USP20: variants seen among roughly 807,000 people sequenced by gnomAD.
USP20 encodes ubiquitin specific peptidase 20.
A neutral mutation model predicts 124.2 loss-of-function variants in USP20; 80 were observed. The ratio of observed to expected loss-of-function variants is 0.64; its 90% CI spans 0.54 to 0.78. The LOEUF is 0.78. USP20 is among the 30% of genes least tolerant of loss of function. USP20 has a pLI of 0.00. For synonymous variants in USP20, 481 were observed against 512.3 expected, an observed-to-expected ratio of 0.94 and a Z score of 0.83; for missense variants, 1,043 against 1,244.4, an observed-to-expected ratio of 0.84 and a Z score of 2.44.
intron 4 of USP20, among the ~76,000 whole-genome samples, chr9:129,856,807 G>A (rs2033240636): frequency 6.6e-6 from 1 of 152,184 alleles, no homozygotes. Context: ...CGCCTCATGG[G>A]GTTAGGGTAG....
Position 129,879,598 on chromosome 9 carries a change from C to T in USP20, c.2538C>T (p.Ser846=). 6.2e-7 allele frequency: 1 copy of T among 1,613,790 alleles called. No individual in the cohort carries two copies. The highest frequency in any genetic ancestry group is 8.5e-7 in the Non-Finnish European group (1 of 1,179,964). ...AGCCCCCCGGGCCCATTGACAACAG[C>T]AGGATTGCACAGGTCAAAGGAAGCG... ...DNEPPGPIDN[S]RIAQVKGSGH... Residue 846 remains serine (S), a synonymous_variant, in exon 24 of 26, where the codon AGC becomes AGT. Transcript: ENST00000372429. This position sits in a 1 kb window ranked among gnomAD's most constrained non-coding sequence, Gnocchi z 4.2.
Position 129,858,387 on chromosome 9 carries a change from G to C in USP20, c.199-80G>C, listed in dbSNP as rs1187371769. ...GACAGGGCCTCTTACTGAGAGGCTGGGGAGCGGAGCAGCCATTACAGGTTG... is the reference window on the plus strand; with the variant it reads ...GACAGGGCCTCTTACTGAGAGGCTGCGGAGCGGAGCAGCCATTACAGGTTG... On this transcript the variant is annotated intron_variant, in intron 5 of 25. Transcript: ENST00000372429. 5.0e-6 allele frequency: 8 copies of C among 1,590,664 alleles called. No individual in the cohort carries two copies. The African/African-American group carries it at 1.1e-4, about 21-fold the overall frequency.
In USP20 at chr9:129,880,151, T is replaced by C; in HGVS notation, c.2623T>C (p.Tyr875His). 1 of 1,613,904 alleles carries C rather than the reference T, an allele frequency of 6.2e-7. No homozygotes were observed. The highest frequency in any genetic ancestry group is 2.2e-5 in the East Asian group (1 of 44,866). Reference protein sequence around the residue: ...YGQISEETWTYLNSLYGGGPE... With the variant: ...YGQISEETWTHLNSLYGGGPE... ...GCAGATTTCGGAGGAGACCTGGACC[T>C]ACCTGAACAGCCTGTATGGAGGTGG... is the stretch of plus-strand genomic sequence containing the variant. The change falls in exon 25 of 26, where the codon TAC (tyrosine) becomes CAC (histidine). Residue 875 changes from tyrosine (Y) to histidine (H), a missense_variant. Coordinates refer to ENST00000372429, the MANE Select transcript of USP20 (RefSeq NM_001110303.4).
intron 6 of USP20, among the ~76,000 whole-genome samples, chr9:129,859,480 A>T (rs1314571352): frequency 6.0e-5 from 9 of 150,806 alleles, no homozygotes; most frequent in Non-Finnish European, 1.0e-4. Context: ...TGCCATGTTG[A>T]CTAGGCTGGT....
intron 2 of USP20, among the ~76,000 whole-genome samples, chr9:129,850,799 G>A (rs1237034224): frequency 6.6e-6 from 1 of 152,040 alleles, no homozygotes; most frequent in African/African-American, 2.4e-5. Context: ...GGGATTATAG[G>A]CTTGTGCATC....
intron 1 of USP20, among the ~76,000 whole-genome samples, chr9:129,838,348 A>C (rs576500105): frequency 6.6e-6 from 1 of 152,278 alleles, no homozygotes; most frequent in Admixed American, 6.5e-5. Flanking sequence ...GGCTAACAAC[A>C]AATATTTAAA....
In USP20 at chr9:129,879,446, G is replaced by A. The variant is rs1229039119; in HGVS notation, c.2513-127G>A. The A allele has an allele frequency of 1.9e-5, 16 of 851,682 alleles. No individual in the cohort carries two copies. The highest frequency in any genetic ancestry group is 2.9e-5 in the Non-Finnish European group (15 of 525,156). The allele number at this position is 851,682 out of a possible 1,614,324, so 52.8% of individuals were successfully genotyped here. A position where few individuals can be genotyped will look rare whatever the true frequency, so the allele number is the denominator to read the frequency against. On this transcript the variant is annotated intron_variant, in intron 23 of 25. Coordinates refer to ENST00000372429, the MANE Select transcript of USP20 (RefSeq NM_001110303.4). This position sits in a 1 kb window ranked among gnomAD's most constrained non-coding sequence, Gnocchi z 4.2. ...CAGAGGAGCATTGGGTGGCTCAGGC[G>A]CCTCATCCATTAGAGACTTCACGCT... is the stretch of plus-strand genomic sequence containing the variant.
Position 129,869,958 on chromosome 9 carries a change from G to A in USP20, c.1565+114G>A. The stretch of plus-strand genomic sequence containing the variant: ...ATTTGGGGAACCAGGGAGGTCCTGG[G>A]AGGAGCTGGGGGCCGAAGCCTGCAG... On this transcript the variant is annotated intron_variant, in intron 14 of 25. Transcript: ENST00000372429. 2.3e-6 allele frequency: 3 copies of A among 1,333,170 alleles called. No individual in the cohort carries two copies. The South Asian group carries it at 4.1e-5, about 18-fold the overall frequency. The allele number at this position is 1,333,170 out of a possible 1,614,324, so 82.6% of individuals were successfully genotyped here. A position where few individuals can be genotyped will look rare whatever the true frequency, so the allele number is the denominator to read the frequency against.
intron 10 of USP20, among the ~76,000 whole-genome samples, chr9:129,865,749 C>T (rs898781406): frequency 3.3e-5 from 5 of 152,040 alleles, no homozygotes; most frequent in African/African-American, 9.7e-5. Context: ...ACTGCACCCT[C>T]GACCTCCCGG....
intron 1 of USP20, among the ~76,000 whole-genome samples, chr9:129,846,893 T>C (rs190155449): frequency 2.0e-5 from 3 of 152,122 alleles, no homozygotes; most frequent in South Asian, 2.1e-4. Flanking sequence ...TCCCAAAGTG[T>C]TGGGATTACA....
In USP20 at chr9:129,881,283, T is replaced by G. The variant is rs2034627290; in HGVS notation, c.*833T>G. ...AGCTGATGCTAAAGAAGACAGACTTTCCCTTCCTCCCAGCAGCAGCAGTGC... is the reference window on the plus strand; with the variant it reads ...AGCTGATGCTAAAGAAGACAGACTTGCCCTTCCTCCCAGCAGCAGCAGTGC... On this transcript the variant is annotated 3_prime_UTR_variant, in exon 26 of 26. Transcript: ENST00000372429. 6.6e-6 allele frequency: 1 copy of G among 152,320 alleles called. No homozygotes were observed. Among genetic ancestry groups the G allele is most frequent in the South Asian group, 2.1e-4 (1 of 4,832 alleles). The allele number at this position is 152,320 out of a possible 1,614,324, so 9.4% of individuals were successfully genotyped here.
In USP20 at chr9:129,868,303, G is replaced by T. The variant is rs201286389; in HGVS notation, c.989G>T (p.Arg330Leu). Reference sequence around the variant, plus strand: ...TCTGAGAAGGAGCGGATGAAGGACCGCAAGTTCTCCTGGGGCCAGCAGCGT... The same window carrying T: ...TCTGAGAAGGAGCGGATGAAGGACCTCAAGTTCTCCTGGGGCCAGCAGCGT... ...AISEKERMKD[R>L]KFSWGQQRTN... Residue 330 changes from arginine (R) to leucine (L), a missense_variant, in exon 11 of 26, where the codon CGC (arginine) becomes CTC (leucine). Transcript: ENST00000372429. 1.2e-6 allele frequency: 2 copies of T among 1,613,788 alleles called. No individual in the cohort carries two copies. Among genetic ancestry groups the T allele is most frequent in the Admixed American group, 1.7e-5 (1 of 59,998 alleles).
At position 129,873,462 on chromosome 9, in the gene USP20, C is replaced by T. The variant is rs749556664; in HGVS notation, c.1661-20C>T. The T allele has an allele frequency of 6.2e-7, 1 of 1,614,108 alleles. No homozygotes were observed. Among genetic ancestry groups the T allele is most frequent in the African/African-American group, 1.3e-5 (1 of 75,028 alleles). ...TTTTGCATCCTTGCTAACCTCTGAC[C>T]CTTTGTTTTACTGCCCTAGGTGACA... On this transcript the variant is annotated intron_variant, in intron 15 of 25. Coordinates refer to ENST00000372429, the MANE Select transcript of USP20 (RefSeq NM_001110303.4).
intron 1 of USP20, among the ~76,000 whole-genome samples, chr9:129,843,427 C>G (rs962617996): frequency 6.7e-6 from 1 of 148,876 alleles, no homozygotes; most frequent in Admixed American, 6.7e-5. Context: ...AAGACTCTGT[C>G]TCAACCACGA....
At chr9:129,852,513 C>G (rs1208088519) in intron 2 of USP20, 27 bp from the exon 3 acceptor site, 1 of 1,559,640 alleles carries the variant, frequency 6.4e-7, no homozygotes, top group Admixed American at 1.9e-5. Flanking sequence ...CTGCCATTAA[C>G]CCGGGATTGC....
At chr9:129,876,050 G>A in intron 21 of USP20, 80 bp from the exon 22 acceptor site, 2 of 1,279,004 alleles carry the variant, frequency 1.6e-6, no homozygotes, top group South Asian at 2.7e-5. Flanking sequence ...TGGCTTGAGG[G>A]GGAAGTGGAA....
Position 129,868,506 on chromosome 9 carries a change from G to T in USP20, c.1135+57G>T, listed in dbSNP as rs566743611. ...CTCAGCCTATGGCCCAGTACCTACC[G>T]GGTGCTGAGCGCCGACCTGCAGTAG... On this transcript the variant is annotated intron_variant, in intron 11 of 25. Coordinates refer to ENST00000372429, the MANE Select transcript of USP20 (RefSeq NM_001110303.4). The T allele has an allele frequency of 7.8e-4, 1,208 of 1,546,632 alleles. 3 individuals are homozygous for T. The highest frequency in any genetic ancestry group is 8.1e-4 in the Non-Finnish European group (926 of 1,146,906).
chr9:129,860,487 T>G (rs10114413), intron 6 of USP20, among the ~76,000 whole-genome samples: 133,438 of 152,142 alleles, frequency 0.88, 58,913 homozygotes, highest in East Asian at 1. Flanking sequence ...CAAGTCAACA[T>G]CTGGACACAG....
At chr9:129,871,432 G>A (rs1316395913) in intron 15 of USP20, among the ~76,000 whole-genome samples, 1 of 152,206 alleles carries the variant, frequency 6.6e-6, no homozygotes, top group African/African-American at 2.4e-5. Context: ...ATCCGTCAGT[G>A]GACACTCAGG....
Sources: gnomAD v4.1 joint callset for allele counts (sites outside exome capture counted in the v4.1 genomes callset) on GRCh38, gnomAD v4.1.1 for gene constraint, Gnocchi (gnomAD v3.1) non-coding constraint, MANE v1.5 for transcripts, NCBI Gene and HGNC (gene_info 2026-07-23, HGNC 2026-07-21) for gene names.